CNOT4: variants seen among roughly 807,000 people sequenced by gnomAD.
CNOT4 encodes the protein CCR4-NOT transcription complex subunit 4.
A neutral mutation model predicts 73.8 loss-of-function variants in CNOT4; 8 were observed. That is an observed-to-expected ratio of 0.11 (90% CI 0.06 to 0.20). CNOT4 has a LOEUF of 0.20. Among genes scored for constraint, CNOT4 ranks in the 10% least tolerant of loss-of-function variants. The pLI is 1.00. For synonymous variants in CNOT4, 293 were observed against 321.1 expected (o/e 0.91, Z 0.94); for missense variants, 564 against 883.4 (o/e 0.64, Z 4.58).
chr7:135,504,850 G>A lies in CNOT4; in HGVS notation c.-93+5039C>T, dbSNP rs188007477. Among the ~76,000 whole-genome samples the A allele has an allele frequency of 4.7e-5, 7 of 150,500 alleles. 1 individual carries two copies. Among genetic ancestry groups the A allele is most frequent in the African/African-American group, 1.5e-4 (6 of 40,880 alleles). On this transcript the variant is annotated intron_variant, in intron 1 of 11. Transcript: ENST00000541284. ...TCACCATGTTGGCCAGGCTGGTCTC[G>A]AACTCCTGACCTCGTGATCTGCCCA...
chr7:135,499,407 C>T (rs1158340114), intron 1 of CNOT4, among the ~76,000 whole-genome samples: 1 of 152,094 alleles, frequency 6.6e-6, no homozygotes, highest in Non-Finnish European at 1.5e-5. Context: ...CCTCCCTTTT[C>T]CTGGGTAAGG....
intron 2 of CNOT4, among the ~76,000 whole-genome samples, chr7:135,430,561 C>T (rs546931002): frequency 6.6e-6 from 1 of 152,172 alleles, no homozygotes; most frequent in East Asian, 1.9e-4. Context: ...AGGAGAATTG[C>T]TTGAGCCCAG....
intron 1 of CNOT4, among the ~76,000 whole-genome samples, chr7:135,446,769 T>C (rs922888000): frequency 5.3e-5 from 8 of 151,904 alleles, no homozygotes; most frequent in South Asian, 4.2e-4. Context: ...TTTGGTATTG[T>C]ATAGCATCTT....
intron 2 of CNOT4, among the ~76,000 whole-genome samples, chr7:135,425,770 G>T (rs1406520462): frequency 6.6e-6 from 1 of 152,110 alleles, no homozygotes; most frequent in Admixed American, 6.6e-5. Context: ...ACTTCAACTT[G>T]TCCAAAAGTT....
chr7:135,436,798 T>C lies in CNOT4; in HGVS notation c.174+1360A>G, dbSNP rs561828827. Among the ~76,000 whole-genome samples the C allele has an allele frequency of 1.1e-3, 169 of 152,072 alleles. 1 individual carries two copies. Among genetic ancestry groups the C allele is most frequent in the African/African-American group, 3.9e-3 (164 of 41,524 alleles). ...TAAAAATCTAATGATAAATAAACAA[T>C]GCATTGCCTTCTGAGATTTATTATA... On this transcript the variant is annotated intron_variant, in intron 2 of 11. Coordinates refer to ENST00000541284, the MANE Select transcript of CNOT4 (RefSeq NM_001190850.2).
At chr7:135,488,667 G>T (rs772040028) in intron 1 of CNOT4, among the ~76,000 whole-genome samples, 3 of 152,052 alleles carry the variant, frequency 2.0e-5, no homozygotes, top group African/African-American at 7.2e-5. Flanking sequence ...CTCTTTCCTC[G>T]TATGTAACTT....
chr7:135,509,308 G>C (rs1026105129), intron 1 of CNOT4, among the ~76,000 whole-genome samples: 1 of 152,190 alleles, frequency 6.6e-6, no homozygotes, highest in African/African-American at 2.4e-5. Flanking sequence ...AGCAGCTCTA[G>C]TGTGGCAGAT....
chr7:135,508,917 AC>A (rs1446004050), intron 1 of CNOT4, among the ~76,000 whole-genome samples: 1 of 151,496 alleles, frequency 6.6e-6, no homozygotes, highest in African/African-American at 2.4e-5. Context: ...GCATGATAAA[AC>A]CGGTCCAAAA....
chr7:135,428,634 C>T (rs1325471729), intron 2 of CNOT4, among the ~76,000 whole-genome samples: 2 of 151,500 alleles, frequency 1.3e-5, no homozygotes, highest in Admixed American at 6.6e-5. Flanking sequence ...CACATGAGGA[C>T]AGGTCAGAAT....
At chr7:135,498,391 C>T (rs993716457) in intron 1 of CNOT4, among the ~76,000 whole-genome samples, 3 of 152,158 alleles carry the variant, frequency 2.0e-5, no homozygotes, top group African/African-American at 7.2e-5. Flanking sequence ...CAGAGTTCCC[C>T]AAAGCTGAAA....
In CNOT4 at chr7:135,466,534, T is replaced by C. The variant is rs1801234175; in HGVS notation, c.-92-28111A>G. Among the ~76,000 whole-genome samples the C allele has an allele frequency of 2.0e-5, 3 of 151,512 alleles. No individual in the cohort carries two copies. The South Asian group carries it at 6.2e-4, about 32-fold the overall frequency. ...TGTTAAAGCAGCAAGCTAAGGTTAA[T>C]TATTGAAGAAAATTTTTAATATAAA... On this transcript the variant is annotated intron_variant, in intron 1 of 11. Transcript: ENST00000541284.
intron 7 of CNOT4, among the ~76,000 whole-genome samples, chr7:135,409,230 T>A (rs1424403286): frequency 6.6e-6 from 1 of 152,154 alleles, no homozygotes; most frequent in Non-Finnish European, 1.5e-5. Context: ...TAATAGCATA[T>A]GGTTTGCCAT....
chr7:135,473,583 C>CA (rs1320206061), intron 1 of CNOT4, among the ~76,000 whole-genome samples: 1 of 151,944 alleles, frequency 6.6e-6, no homozygotes, highest in Non-Finnish European at 1.5e-5. Flanking sequence ...CCTGTGTCTA[C>CA]AAAAAATATA....
chr7:135,472,541 A>G (rs1801697370), intron 1 of CNOT4, among the ~76,000 whole-genome samples: 1 of 85,830 alleles, frequency 1.2e-5, no homozygotes, highest in East Asian at 4.0e-4. Flanking sequence ...ATATATATAT[A>G]TATATATATA....
intron 6 of CNOT4, among the ~76,000 whole-genome samples, chr7:135,412,962 C>T (rs1243165872): frequency 6.6e-6 from 1 of 152,004 alleles, no homozygotes; most frequent in African/African-American, 2.4e-5. Flanking sequence ...TCACCCTTTA[C>T]AGGATACTGA....
chr7:135,441,395 C>T (rs1213728265), intron 1 of CNOT4, among the ~76,000 whole-genome samples: 1 of 147,588 alleles, frequency 6.8e-6, no homozygotes, highest in Non-Finnish European at 1.5e-5. Flanking sequence ...ATAATTATTT[C>T]AAAATAAAAT....
chr7:135,479,092 G>A (rs1279097926), intron 1 of CNOT4, among the ~76,000 whole-genome samples: 1 of 150,914 alleles, frequency 6.6e-6, no homozygotes. Context: ...GAAATTGCTA[G>A]ATGAAGCATG....
At chr7:135,387,015 G>A in intron 10 of CNOT4, 1 of 880,434 alleles carries the variant, frequency 1.1e-6, no homozygotes, top group Non-Finnish European at 1.4e-6. Context: ...ATCATTACAA[G>A]GAGCCAGAGT....
In CNOT4 at chr7:135,363,454, T is replaced by C. The variant is rs1199532121; in HGVS notation, c.1841-268A>G. Among the ~76,000 whole-genome samples the C allele has an allele frequency of 6.6e-6, 1 of 152,242 alleles. No individual in the cohort carries two copies. Among genetic ancestry groups the C allele is most frequent in the Non-Finnish European group, 1.5e-5 (1 of 68,040 alleles). On this transcript the variant is annotated intron_variant, in intron 11 of 11. Coordinates refer to ENST00000541284, the MANE Select transcript of CNOT4 (RefSeq NM_001190850.2). The surrounding 1 kb of genome is among the most constrained non-coding windows in gnomAD (Gnocchi z 4.3). ...AACACCATTCCCCAGAACTGCCTGA[T>C]GGCATTTCCCAATTGTGCTTTTCCT...
Sources: allele counts gnomAD v4.1 joint callset (sites outside exome capture counted in the v4.1 genomes callset), GRCh38; gene constraint gnomAD v4.1.1; non-coding constraint Gnocchi (gnomAD v3.1); transcripts MANE v1.5; gene names NCBI Gene and HGNC (gene_info 2026-07-23, HGNC 2026-07-21).